The following GRIK2 variants were observed in gnomAD, a reference collection of about 807,000 sequenced individuals.
GRIK2 encodes glutamate ionotropic receptor kainate type subunit 2.
In GRIK2, 32 loss-of-function variants were observed where a neutral mutation model predicts 100.3. That is an observed-to-expected ratio of 0.32 (90% CI 0.24 to 0.43). GRIK2 has a LOEUF of 0.43. Among genes scored for constraint, GRIK2 ranks in the 20% least tolerant of loss-of-function variants. The probability of loss-of-function intolerance (pLI) is 1.00; values close to 1 mark genes in which losing one functional copy is unlikely to be tolerated. For missense variants in GRIK2, 843 were observed against 1,114.9 expected, an observed-to-expected ratio of 0.76 and a Z score of 3.47; for synonymous variants, 417 against 389.4, an observed-to-expected ratio of 1.07 and a Z score of -0.83.
At chr6:101,551,324 T>C (rs1434826556) in intron 2 of GRIK2, among the ~76,000 whole-genome samples, 2 of 152,066 alleles carry the variant, frequency 1.3e-5, no homozygotes, top group Admixed American at 6.6e-5. Flanking sequence ...GGGGTGGTGG[T>C]GGTGACTTAA....
At chr6:101,682,653 C>A (rs1202213800) in intron 6 of GRIK2, 47 bp downstream of exon 6, 3 of 800,774 alleles carry the variant, frequency 3.7e-6, no homozygotes, top group East Asian at 2.6e-5. Context: ...ATTATTATGA[C>A]TTTTTCAGAT....
intron 11 of GRIK2, among the ~76,000 whole-genome samples, chr6:101,882,983 A>T (rs557818772): frequency 1.3e-5 from 2 of 152,090 alleles, no homozygotes; most frequent in East Asian, 3.9e-4. Flanking sequence ...AAAAATTAAA[A>T]ATCATGCACA....
At chr6:102,054,347 T>C (rs921019866) in intron 15 of GRIK2, among the ~76,000 whole-genome samples, 2 of 152,148 alleles carry the variant, frequency 1.3e-5, no homozygotes, top group African/African-American at 4.8e-5. Flanking sequence ...GTTTAATATT[T>C]TTCTGGAAGC....
intron 2 of GRIK2, among the ~76,000 whole-genome samples, chr6:101,492,562 T>C (rs1021355287): frequency 6.6e-6 from 1 of 152,034 alleles, no homozygotes; most frequent in African/African-American, 2.4e-5. Context: ...CCTGTATCTT[T>C]TTGATATGGC....
chr6:101,606,603 C>A (rs1424825704), intron 2 of GRIK2, among the ~76,000 whole-genome samples: 1 of 151,958 alleles, frequency 6.6e-6, no homozygotes, highest in African/African-American at 2.4e-5. Flanking sequence ...GGACTAGAAC[C>A]CCAGACTCTG....
chr6:101,837,331 T>C lies in GRIK2; in HGVS notation c.1317+18848T>C, dbSNP rs571725399. ...TCTGGAGATCTAAGCTACAACATGATGAGTATTGCTAATGATAGTATATTG... is the reference window on the plus strand; with the variant it reads ...TCTGGAGATCTAAGCTACAACATGACGAGTATTGCTAATGATAGTATATTG... On this transcript the variant is annotated intron_variant, in intron 10 of 16. Coordinates refer to ENST00000369134, the MANE Select transcript of GRIK2 (RefSeq NM_021956.5). Among the ~76,000 whole-genome samples, 7 of 152,258 alleles carry C rather than the reference T, an allele frequency of 4.6e-5. No homozygotes were observed. The South Asian group carries it at 1.2e-3, about 27-fold the overall frequency.
chr6:101,827,442 G>A (rs1782406089), intron 10 of GRIK2, among the ~76,000 whole-genome samples: 1 of 151,322 alleles, frequency 6.6e-6, no homozygotes, highest in African/African-American at 2.4e-5. Context: ...ATTTGTTTTT[G>A]CTTTAAAACA....
intron 7 of GRIK2, among the ~76,000 whole-genome samples, chr6:101,694,845 A>G (rs758892151): frequency 1.3e-5 from 2 of 151,682 alleles, no homozygotes; most frequent in Non-Finnish European, 2.9e-5. Context: ...AATCTTTGGA[A>G]TTTGTTTTTG....
chr6:101,774,080 T>A (rs548764476), intron 7 of GRIK2, among the ~76,000 whole-genome samples: 38 of 152,166 alleles, frequency 2.5e-4, no homozygotes, highest in Non-Finnish European at 4.6e-4. Flanking sequence ...AGATGGCCTT[T>A]GCTATAATTT....
intron 14 of GRIK2, among the ~76,000 whole-genome samples, chr6:101,952,908 A>ACATT (rs1184061393): frequency 1.3e-5 from 2 of 152,202 alleles, no homozygotes; most frequent in Non-Finnish European, 2.9e-5. Flanking sequence ...CATTTTGAAA[A>ACATT]TAAACCATGT....
intron 2 of GRIK2, among the ~76,000 whole-genome samples, chr6:101,468,273 T>C (rs923095643): frequency 1.3e-5 from 2 of 152,112 alleles, no homozygotes; most frequent in Non-Finnish European, 2.9e-5. Flanking sequence ...ATAACAGCAA[T>C]GAGGTAAGTG....
chr6:101,411,752 A>T (rs1305933800), intron 2 of GRIK2, among the ~76,000 whole-genome samples: 1 of 152,058 alleles, frequency 6.6e-6, no homozygotes, highest in African/African-American at 2.4e-5. Flanking sequence ...AACACCACTC[A>T]AGGGCTTATT....
chr6:101,398,134 C>A (rs1427975845), intron 1 of GRIK2, among the ~76,000 whole-genome samples: 1 of 152,050 alleles, frequency 6.6e-6, no homozygotes, highest in Non-Finnish European at 1.5e-5. Context: ...CACTCAATGT[C>A]GCTCATGCTA....
intron 2 of GRIK2, among the ~76,000 whole-genome samples, chr6:101,536,822 T>G (rs903995937): frequency 1.3e-5 from 2 of 151,760 alleles, no homozygotes; most frequent in Non-Finnish European, 3.0e-5. Context: ...TGGATAATAA[T>G]TCTTAGTCAA....
At chr6:101,552,523 A>G (rs1448152268) in intron 2 of GRIK2, among the ~76,000 whole-genome samples, 4 of 152,168 alleles carry the variant, frequency 2.6e-5, no homozygotes, top group African/African-American at 4.8e-5. Context: ...AGGGTTAGAG[A>G]TGATAATCAC....
At chr6:101,710,227 G>A (rs1773602648) in intron 7 of GRIK2, among the ~76,000 whole-genome samples, 1 of 151,764 alleles carries the variant, frequency 6.6e-6, no homozygotes, top group Non-Finnish European at 1.5e-5. Context: ...TGACAAGGCA[G>A]TTGTAGAGTG....
chr6:102,006,672 A>C (rs1457709144), intron 14 of GRIK2, among the ~76,000 whole-genome samples: 1 of 151,794 alleles, frequency 6.6e-6, no homozygotes, highest in African/African-American at 2.4e-5. Context: ...CTGGTCCAGC[A>C]TACTGTCATA....
intron 4 of GRIK2, among the ~76,000 whole-genome samples, chr6:101,656,139 C>T (rs1471741331): frequency 6.6e-6 from 1 of 151,816 alleles, no homozygotes; most frequent in African/African-American, 2.4e-5. Flanking sequence ...CCCATCTCTA[C>T]TAAAAATATG....
intron 7 of GRIK2, among the ~76,000 whole-genome samples, chr6:101,763,850 T>C (rs1052238834): frequency 6.6e-6 from 1 of 151,992 alleles, no homozygotes; most frequent in African/African-American, 2.4e-5. Context: ...TGTTTTTTTT[T>C]CCTGGGCCCT....
Sources: gnomAD v4.1 joint callset for allele counts (sites outside exome capture counted in the v4.1 genomes callset) on GRCh38, gnomAD v4.1.1 for gene constraint, MANE v1.5 for transcripts, NCBI Gene and HGNC (gene_info 2026-07-23, HGNC 2026-07-21) for gene names.